SLC25A26: variants seen among roughly 807,000 people sequenced by gnomAD.
SLC25A26 encodes the protein mitochondrial S-adenosylmethionine carrier protein.
A neutral mutation model predicts 37.8 loss-of-function variants in SLC25A26; 36 were observed. The ratio of observed to expected loss-of-function variants is 0.95; its 90% confidence interval spans 0.73 to 1.26. The LOEUF is 1.26. Among genes scored for constraint, SLC25A26 ranks in the 50% most tolerant of loss-of-function variants. SLC25A26 has a pLI of 0.00. For synonymous variants in SLC25A26, 129 were observed against 122.5 expected (o/e 1.05, Z -0.35); for missense variants, 390 against 331.1 (o/e 1.18, Z -1.38).
intron 3 of SLC25A26, among the ~76,000 whole-genome samples, chr3:66,257,435 G>GC (rs2073347557): frequency 6.6e-6 from 1 of 152,114 alleles, no homozygotes; most frequent in Non-Finnish European, 1.5e-5. Flanking sequence ...ACAGTCTAGG[G>GC]CCGCAGACCC....
chr3:66,139,629 G>A (rs928732630), intron 1 of SLC25A26, among the ~76,000 whole-genome samples: 1 of 152,140 alleles, frequency 6.6e-6, no homozygotes, highest in African/African-American at 2.4e-5. Context: ...ACAGGGCCCT[G>A]GCCATTTCAT....
intron 7 of SLC25A26, among the ~76,000 whole-genome samples, chr3:66,365,902 C>T (rs2076814017): frequency 6.6e-6 from 1 of 152,134 alleles, no homozygotes. Context: ...AGCAAGGTTG[C>T]CCAGGGGTGG....
chr3:66,177,790 C>T (rs923155452), intron 1 of SLC25A26, among the ~76,000 whole-genome samples: 6 of 152,192 alleles, frequency 3.9e-5, no homozygotes, highest in African/African-American at 1.4e-4. Context: ...ATTTACTGAG[C>T]ATCTACTATG....
intron 5 of SLC25A26, among the ~76,000 whole-genome samples, chr3:66,311,162 C>T (rs956576549): frequency 3.9e-5 from 6 of 151,942 alleles, no homozygotes; most frequent in African/African-American, 1.5e-4. Context: ...TCACATAGTC[C>T]GATATTTCTT....
intron 3 of SLC25A26, among the ~76,000 whole-genome samples, chr3:66,259,094 G>A (rs898878689): frequency 6.6e-6 from 1 of 152,054 alleles, no homozygotes; most frequent in Non-Finnish European, 1.5e-5. Flanking sequence ...GGGTAGGAGG[G>A]GAGAGACTGA....
intron 5 of SLC25A26, among the ~76,000 whole-genome samples, chr3:66,290,529 T>C (rs1281356118): frequency 1.3e-5 from 2 of 152,196 alleles, no homozygotes; most frequent in African/African-American, 4.8e-5. Flanking sequence ...CATGAAGAGA[T>C]GTTGAATTTT....
chr3:66,250,878 C>T (rs987778489), intron 3 of SLC25A26, among the ~76,000 whole-genome samples: 2 of 152,052 alleles, frequency 1.3e-5, no homozygotes, highest in Non-Finnish European at 2.9e-5. Context: ...ATGTGGGATA[C>T]GTATAGATAG....
At chr3:66,285,540 A>G (rs1396882153) in intron 5 of SLC25A26, among the ~76,000 whole-genome samples, 5 of 56,084 alleles carry the variant, frequency 8.9e-5, no homozygotes, top group Non-Finnish European at 3.3e-5. Flanking sequence ...GCTCACTGCA[A>G]CCTCTGCCTC....
intron 5 of SLC25A26, among the ~76,000 whole-genome samples, chr3:66,295,776 G>A (rs1281803926): frequency 6.6e-6 from 1 of 151,878 alleles, no homozygotes; most frequent in Non-Finnish European, 1.5e-5. Context: ...GGGATTACAG[G>A]TGCAAGCCAC....
intron 5 of SLC25A26, among the ~76,000 whole-genome samples, chr3:66,319,198 G>T (rs1021447143): frequency 1.3e-5 from 2 of 152,168 alleles, no homozygotes; most frequent in East Asian, 3.9e-4. Flanking sequence ...GTATATGATG[G>T]CATAGCTCAT....
At chr3:66,165,671 G>GA (rs1184692166) in intron 1 of SLC25A26, among the ~76,000 whole-genome samples, 1 of 152,068 alleles carries the variant, frequency 6.6e-6, no homozygotes, top group Non-Finnish European at 1.5e-5. Context: ...ATAACTGTCA[G>GA]AAAAATGAAA....
At chr3:66,194,147 C>T (rs2070998143) in intron 1 of SLC25A26, among the ~76,000 whole-genome samples, 1 of 152,222 alleles carries the variant, frequency 6.6e-6, no homozygotes, top group Admixed American at 6.5e-5. Context: ...AAGGTGGGCT[C>T]ATGGACAGGA....
chr3:66,321,499 A>G (rs1174261240), intron 5 of SLC25A26, among the ~76,000 whole-genome samples: 1 of 152,072 alleles, frequency 6.6e-6, no homozygotes, highest in Non-Finnish European at 1.5e-5. Context: ...AGGGATTTGT[A>G]TCTCTTTTAC....
At chr3:66,294,473 A>G (rs1417286938) in intron 5 of SLC25A26, among the ~76,000 whole-genome samples, 1 of 152,192 alleles carries the variant, frequency 6.6e-6, no homozygotes, top group Non-Finnish European at 1.5e-5. Context: ...AGTTTTTAAC[A>G]TGAAGTGGTG....
chr3:66,203,405 A>C (rs2071134517), intron 1 of SLC25A26, among the ~76,000 whole-genome samples: 1 of 152,100 alleles, frequency 6.6e-6, no homozygotes, highest in African/African-American at 2.4e-5. Flanking sequence ...AAAAAAACTT[A>C]AGCCCAATTC....
intron 9 of SLC25A26, chr3:66,371,549 G>T: frequency 1.8e-6 from 2 of 1,128,112 alleles, no homozygotes; most frequent in Non-Finnish European, 1.2e-6. Context: ...TTGACGTTGG[G>T]GGTGTGAAGG....
At chr3:66,352,900 T>A (rs1320414787) in intron 6 of SLC25A26, among the ~76,000 whole-genome samples, 1 of 152,210 alleles carries the variant, frequency 6.6e-6, no homozygotes, top group African/African-American at 2.4e-5. Context: ...CCCTCCTCCC[T>A]CCTCTGTAAT....
At position 66,271,225 on chromosome 3, in the gene SLC25A26, T is replaced by G. The variant is rs74634784; in HGVS notation, c.453+7846T>G. Among the ~76,000 whole-genome samples the G allele has an allele frequency of 2.2e-3, 342 of 152,318 alleles. 14 individuals are homozygous for G. In the East Asian group the frequency reaches 0.063, roughly 28 times the overall value. ...TCTTCGTGAGTCCATTTGGATTGCA[T>G]TTAGGCTTCAAATAACAGAAAATTT... On this transcript the variant is annotated intron_variant, in intron 5 of 9. Transcript: ENST00000354883.
chr3:66,367,455 A>G (rs184053407), intron 7 of SLC25A26, among the ~76,000 whole-genome samples: 14 of 152,340 alleles, frequency 9.2e-5, no homozygotes, highest in Middle Eastern at 3.4e-3. Flanking sequence ...CTTCAGCCAC[A>G]GAATAAGTAA....
Sources: allele counts gnomAD v4.1 joint callset (sites outside exome capture counted in the v4.1 genomes callset), GRCh38; gene constraint gnomAD v4.1.1; transcripts MANE v1.5; gene names NCBI Gene and HGNC (gene_info 2026-07-23, HGNC 2026-07-21).